The following MED14 variants were observed in gnomAD, a reference collection of about 807,000 sequenced individuals.
MED14 encodes the protein mediator complex subunit 14.
Under a neutral mutation model 109.0 loss-of-function variants are expected in MED14, and 8 were observed. The observed-to-expected ratio is 0.07, with a 90% CI of 0.04 to 0.13. The LOEUF is 0.13. Ranked by LOEUF, MED14 falls within the 10% of genes least tolerant of loss-of-function variation. MED14 has a pLI of 1.00. For synonymous variants in MED14, 399 were observed against 408.7 expected (o/e 0.98, Z 0.29); for missense variants, 711 against 1,142.4 (o/e 0.62, Z 5.44).
chrX:40,684,451 G>T (rs1312283781), intron 16 of MED14, among the ~76,000 whole-genome samples: 3 of 112,429 alleles, frequency 2.7e-5, no homozygotes, highest in South Asian at 3.6e-4. Context: ...TACAGCTTTT[G>T]AAGTTTTTCA....
Position 40,651,432 on chromosome X carries a change from T to G in MED14, c.*374A>C, listed in dbSNP as rs1019309787. The G allele has an allele frequency of 1.3e-4, 97 of 763,083 alleles. No individual in the cohort carries two copies. The highest frequency in any genetic ancestry group is 1.2e-4 in the Non-Finnish European group (80 of 645,173). The allele number at this position is 763,083 out of a possible 1,213,427, so 62.9% of individuals were successfully genotyped here. A position where few individuals can be genotyped will look rare whatever the true frequency, so the allele number is the denominator to read the frequency against. On this transcript the variant is annotated 3_prime_UTR_variant, in exon 31 of 31. Coordinates refer to ENST00000324817, the MANE Select transcript of MED14 (RefSeq NM_004229.4). ...TTACAGTATTCAAAAATGACAGACC[T>G]GCCTTAAAAAACAAAACAAAAACCA...
intron 12 of MED14, among the ~76,000 whole-genome samples, chrX:40,699,294 T>C (rs926010692): frequency 8.9e-6 from 1 of 112,453 alleles, no homozygotes; most frequent in East Asian, 2.8e-4. Context: ...GTGATGGAAA[T>C]GTCCTACACG....
At chrX:40,723,667 G>GAAAAA (rs56676419) in intron 3 of MED14, among the ~76,000 whole-genome samples, 1 of 17,993 alleles carries the variant, frequency 5.6e-5, no homozygotes, top group Non-Finnish European at 8.7e-5. Context: ...CTCCGTCTCA[G>GAAAAA]AAAAAAAAAA....
intron 2 of MED14, 62 bp downstream of exon 2, chrX:40,729,257 A>G: frequency 9.1e-7 from 1 of 1,101,777 alleles, no homozygotes; most frequent in Admixed American, 2.7e-5. Flanking sequence ...CCATACCCAC[A>G]CACCAACACT....
At chrX:40,720,418 G>C (rs1272491265) in intron 3 of MED14, among the ~76,000 whole-genome samples, 2 of 112,332 alleles carry the variant, frequency 1.8e-5, no homozygotes, top group Non-Finnish European at 3.8e-5. Flanking sequence ...ATAGTGGAGA[G>C]CAAAGCTGTG....
At chrX:40,732,894 G>A (rs1371084570) in intron 1 of MED14, among the ~76,000 whole-genome samples, 2 of 110,372 alleles carry the variant, frequency 1.8e-5, no homozygotes, top group Non-Finnish European at 3.8e-5. Flanking sequence ...GTGGTTAAGA[G>A]GTTGGAGAAA....
chrX:40,729,432 C>T, intron 1 of MED14, 87 bp from the exon 2 acceptor site: 9 of 928,381 alleles, frequency 9.7e-6, no homozygotes, highest in African/African-American at 2.0e-5. Flanking sequence ...CTATTAAATA[C>T]GTTAATGTTT....
intron 4 of MED14, 106 bp downstream of exon 4, chrX:40,714,431 A>G (rs1602486821): frequency 2.3e-6 from 2 of 878,610 alleles, no homozygotes; most frequent in East Asian, 6.5e-5. Flanking sequence ...AACTATATGT[A>G]CTGTTTGTTT....
chrX:40,735,834 G>A (rs1602503653), upstream of MED14: 1 of 319,621 alleles, frequency 3.1e-6, no homozygotes. Flanking sequence ...CAGCGCTGGG[G>A]GGCGCGTGGG....
rs768622498 is a variant in MED14, at chrX:40,719,428, A to T, written c.349-4718T>A. 8.0e-5 allele frequency among the ~76,000 whole-genome samples: 9 copies of T among 112,166 alleles called. No individual in the cohort carries two copies. The South Asian group carries it at 3.3e-3, about 41-fold the overall frequency. On this transcript the variant is annotated intron_variant, in intron 3 of 30. Coordinates refer to ENST00000324817, the MANE Select transcript of MED14 (RefSeq NM_004229.4). ...AATGCCTATTAACTGATGAACAGAT[A>T]AACAAAATGTAGTATATCCATGCAA...
chrX:40,703,528 A>T lies in MED14; in HGVS notation c.1327T>A (p.Leu443Met). ...CACTCTGAATTACCACAGGGCTCCA[A>T]GATGGGAACAACAAGAGCTGGGAGT... is the stretch of plus-strand genomic sequence containing the variant. ...TALPALVVPILEPCGNSECLH... is the reference protein window; with the variant it reads ...TALPALVVPIMEPCGNSECLH... The change falls in exon 11 of 31, where the codon TTG (leucine) becomes ATG (methionine). Residue 443 changes from leucine to methionine, a missense_variant. Leu to Met is a conservative substitution (Grantham distance 15). Coordinates refer to ENST00000324817, the MANE Select transcript of MED14 (RefSeq NM_004229.4). 4 of 1,192,594 alleles carry T rather than the reference A, an allele frequency of 3.4e-6. No homozygotes were observed. The highest frequency in any genetic ancestry group is 4.5e-6 in the Non-Finnish European group (4 of 879,284).
upstream of MED14, chrX:40,735,894 C>T (rs1334967315): frequency 7.5e-6 from 2 of 266,852 alleles, no homozygotes; most frequent in Non-Finnish European, 1.4e-5. Context: ...GGGAGCCGCG[C>T]GCCGCCGGAA....
chrX:40,695,602 T>C (rs1224783538), intron 13 of MED14, among the ~76,000 whole-genome samples: 1 of 112,526 alleles, frequency 8.9e-6, no homozygotes, highest in African/African-American at 3.2e-5. Context: ...ATTTTGTGCA[T>C]GGCTGATTAT....
Position 40,735,350 on chromosome X carries a change from G to A in MED14, c.63C>T (p.Ser21=). The change falls in exon 1 of 31, where the codon AGC becomes AGT. Residue 21 remains serine (S), a synonymous_variant. Coordinates refer to ENST00000324817, the MANE Select transcript of MED14 (RefSeq NM_004229.4). The part of the protein sequence containing the change: ...LVPPGGGGGG[S]GGPPSAPAPP... ...GGGCTGGGGCTGACGGGGGTCCGCCGCTGCCCCCGCCGCCGCCTCCGGGCG... is the reference window on the plus strand; with the variant it reads ...GGGCTGGGGCTGACGGGGGTCCGCCACTGCCCCCGCCGCCGCCTCCGGGCG... 9.4e-7 allele frequency: 1 copy of A among 1,067,003 alleles called. No individual in the cohort carries two copies. The allele number at this position is 1,067,003 out of a possible 1,213,427, so 87.9% of individuals were successfully genotyped here.
chrX:40,701,228 T>C lies in MED14; in HGVS notation c.1427A>G (p.Asp476Gly). The change falls in exon 12 of 31, where the codon GAT (aspartate) becomes GGT (glycine). Residue 476 changes from aspartate (D) to glycine (G), a missense_variant. By Grantham distance (94) the Asp-to-Gly change is moderately conservative. Transcript: ENST00000324817. ...MLYGLDQATLDDMEKSVNDDM... is the reference protein window; with the variant it reads ...MLYGLDQATLGDMEKSVNDDM... ...ATCATTCACAGACTTCTCCATGTCA[T>C]CCAGAGTGGCCTGGTCTACAGAATA... is the stretch of plus-strand genomic sequence containing the variant. The C allele has an allele frequency of 8.3e-7, 1 of 1,201,687 alleles. No homozygotes were observed. Among genetic ancestry groups the C allele is most frequent in the East Asian group, 3.0e-5 (1 of 33,734 alleles).
rs777208022 is a variant in MED14, at chrX:40,703,411, T to C, written c.1411+33A>G. 17 of 1,105,790 alleles carry C rather than the reference T, an allele frequency of 1.5e-5. No individual in the cohort carries two copies. The East Asian group carries it at 5.1e-4, about 33-fold the overall frequency. 91.1% of individuals were successfully genotyped at this position (1,105,790 alleles called of 1,213,427 possible). On this transcript the variant is annotated intron_variant, in intron 11 of 30. Coordinates refer to ENST00000324817, the MANE Select transcript of MED14 (RefSeq NM_004229.4). ...TGTTTTTGTTAAAAATAATTTTTCT[T>C]ACATTGAATGATTATATCATTTAGT...
At chrX:40,710,171 C>T in intron 8 of MED14, 42 bp from the exon 9 acceptor site, 4 of 932,740 alleles carry the variant, frequency 4.3e-6, no homozygotes, top group Non-Finnish European at 5.8e-6. Context: ...TCAACACAGT[C>T]TGTTAACTTC....
intron 25 of MED14, among the ~76,000 whole-genome samples, chrX:40,663,391 G>C (rs1342224416): frequency 2.0e-5 from 2 of 98,610 alleles, no homozygotes; most frequent in Non-Finnish European, 4.1e-5. Context: ...CTCCTTTAAG[G>C]GGTGGACTCT....
At position 40,682,916 on chromosome X, in the gene MED14, T is replaced by C. The variant is rs1228776201; in HGVS notation, c.2138A>G (p.Gln713Arg). 1 of 1,210,020 alleles carries C rather than the reference T, an allele frequency of 8.3e-7. No individual in the cohort carries two copies. The highest frequency in any genetic ancestry group is 1.1e-6 in the Non-Finnish European group (1 of 894,993). The change falls in exon 17 of 31, where the codon CAA becomes CGA. Residue 713 changes from glutamine (Q) to arginine (R), a missense_variant. Around this residue, in one of 8 missense-constraint regions of MED14, gnomAD observed 388 missense variants for 517.3 expected, o/e 0.75. Transcript: ENST00000324817. Reference sequence around the variant, plus strand: ...TACCCAAGTGCGGTTATTTCTACCTTGTAATCGGAAAGTGCAATCAAGAAG... The same window carrying C: ...TACCCAAGTGCGGTTATTTCTACCTCGTAATCGGAAAGTGCAATCAAGAAG... ...RSLLDCTFRL[Q>R]GRNNRTWVAE...
Sources: gnomAD v4.1 joint callset for allele counts (sites outside exome capture counted in the v4.1 genomes callset) on GRCh38, gnomAD v4.1.1 for gene constraint, gnomAD v4.1.1 regional missense constraint, MANE v1.5 for transcripts, NCBI Gene and HGNC (gene_info 2026-07-23, HGNC 2026-07-21) for gene names.